Variants in DNAJC15 observed in about 807,000 individuals in gnomAD.
The protein encoded by DNAJC15 is dnaJ homolog subfamily C member 15.
Under a neutral mutation model 22.4 loss-of-function variants are expected in DNAJC15, and 27 were observed. The observed-to-expected ratio is 1.20, with a 90% confidence interval of 0.89 to 1.66. The LOEUF is 1.66. Ranked by LOEUF, DNAJC15 falls within the 40% of genes most tolerant of loss-of-function variation. The probability of loss-of-function intolerance (pLI) is 0.00; values close to 1 mark genes in which losing one functional copy is unlikely to be tolerated. For missense variants in DNAJC15, 208 were observed against 187.1 expected, an observed-to-expected ratio of 1.11 and a Z score of -0.65; for synonymous variants, 79 against 63.2, an observed-to-expected ratio of 1.25 and a Z score of -1.19.
chr13:43,067,249 T>C lies in DNAJC15; in HGVS notation c.160+1512T>C, dbSNP rs117111004. Among the ~76,000 whole-genome samples the C allele has an allele frequency of 1.1e-3, 166 of 152,302 alleles. 2 individuals are homozygous for C. The East Asian group carries it at 0.019, about 17-fold the overall frequency. On this transcript the variant is annotated intron_variant, in intron 2 of 5. Transcript: ENST00000379221. ...TCATTTAAAACACTATTTTAACCTTTTGTCTTGGAAATGATGAAACACTTC... is the reference window on the plus strand; with the variant it reads ...TCATTTAAAACACTATTTTAACCTTCTGTCTTGGAAATGATGAAACACTTC...
intron 5 of DNAJC15, among the ~76,000 whole-genome samples, chr13:43,086,542 TAA>T (rs1566214138): frequency 6.6e-6 from 1 of 152,164 alleles, no homozygotes; most frequent in East Asian, 1.9e-4. Flanking sequence ...TCAAAAAAAT[TAA>T]AAACAAATTT....
intron 1 of DNAJC15, among the ~76,000 whole-genome samples, chr13:43,055,765 T>C (rs1452443237): frequency 6.6e-6 from 1 of 152,222 alleles, no homozygotes; most frequent in African/African-American, 2.4e-5. Context: ...ATTCTCTTGC[T>C]GGGTTTGGGT....
At chr13:43,036,720 C>G (rs1250579885) in intron 1 of DNAJC15, among the ~76,000 whole-genome samples, 1 of 152,266 alleles carries the variant, frequency 6.6e-6, no homozygotes, top group African/African-American at 2.4e-5. Context: ...CCCACAGGCC[C>G]ATGCCAAGCT....
chr13:43,077,421 C>CCAAT (rs2040638696), intron 3 of DNAJC15, among the ~76,000 whole-genome samples: 1 of 152,164 alleles, frequency 6.6e-6, no homozygotes, highest in African/African-American at 2.4e-5. Context: ...AAAGCCTCAG[C>CCAAT]CAATCTCACA....
intron 5 of DNAJC15, among the ~76,000 whole-genome samples, chr13:43,090,145 T>TA (rs1368358912): frequency 6.6e-6 from 1 of 152,058 alleles, no homozygotes; most frequent in African/African-American, 2.4e-5. Context: ...CCAGAAGAGG[T>TA]TCAGAGGGCC....
chr13:43,085,150 T>C (rs987072852), intron 4 of DNAJC15, among the ~76,000 whole-genome samples: 15 of 152,140 alleles, frequency 9.9e-5, no homozygotes, highest in African/African-American at 3.4e-4. Context: ...GATCACGAGG[T>C]CAGGAGTTCG....
intron 5 of DNAJC15, among the ~76,000 whole-genome samples, chr13:43,089,219 A>G (rs535299420): frequency 9.8e-5 from 15 of 152,324 alleles, no homozygotes; most frequent in African/African-American, 3.6e-4. Context: ...CCTGACACTA[A>G]TCTTCCATTT....
intron 4 of DNAJC15, among the ~76,000 whole-genome samples, chr13:43,080,790 G>T (rs545908281): frequency 6.6e-6 from 1 of 152,216 alleles, no homozygotes; most frequent in Non-Finnish European, 1.5e-5. Context: ...AAAAAATTTG[G>T]CTCCTGTTTC....
chr13:43,033,453 A>G (rs2153439512), intron 1 of DNAJC15, among the ~76,000 whole-genome samples: 1 of 152,278 alleles, frequency 6.6e-6, no homozygotes, highest in African/African-American at 2.4e-5. Context: ...CATTATTATT[A>G]ACCCAAGTCA....
chr13:43,045,804 A>G (rs1004642641), intron 1 of DNAJC15, among the ~76,000 whole-genome samples: 33 of 152,268 alleles, frequency 2.2e-4, no homozygotes, highest in African/African-American at 7.9e-4. Context: ...ATACAAACAC[A>G]TACCTACTTC....
chr13:43,045,537 A>G (rs1191654076), intron 1 of DNAJC15, among the ~76,000 whole-genome samples: 2 of 152,236 alleles, frequency 1.3e-5, no homozygotes, highest in Non-Finnish European at 2.9e-5. Flanking sequence ...ACTGGTAGTC[A>G]GAGTGAAACA....
intron 3 of DNAJC15, among the ~76,000 whole-genome samples, chr13:43,072,618 C>CGGT (rs2153441131): frequency 6.7e-6 from 1 of 149,802 alleles, no homozygotes; most frequent in African/African-American, 2.5e-5. Flanking sequence ...CCTAGTAGTG[C>CGGT]GGTTGCGCAA....
chr13:43,039,474 A>AC (rs1216730497), intron 1 of DNAJC15, among the ~76,000 whole-genome samples: 1 of 152,224 alleles, frequency 6.6e-6, no homozygotes, highest in Non-Finnish European at 1.5e-5. Context: ...AAGTAAATTT[A>AC]CTGAGGGGAG....
At chr13:43,101,144 T>A (rs955698651) in intron 5 of DNAJC15, among the ~76,000 whole-genome samples, 1 of 152,242 alleles carries the variant, frequency 6.6e-6, no homozygotes, top group African/African-American at 2.4e-5. Context: ...TCTTCAAATC[T>A]AAAGTGTGTC....
intron 5 of DNAJC15, among the ~76,000 whole-genome samples, chr13:43,087,610 A>G (rs1367001414): frequency 6.6e-6 from 1 of 152,160 alleles, no homozygotes; most frequent in Non-Finnish European, 1.5e-5. Flanking sequence ...ACCACTGGGT[A>G]TTATAGGTAG....
chr13:43,036,166 C>CTTTTTTTTTTTTT (rs1181907862), intron 1 of DNAJC15, among the ~76,000 whole-genome samples: 1 of 125,924 alleles, frequency 7.9e-6, no homozygotes, highest in African/African-American at 3.0e-5. Context: ...CAGTTTCTGT[C>CTTTTTTTTTTTTT]TTTTTTTTTT....
intron 2 of DNAJC15, among the ~76,000 whole-genome samples, 166 bp downstream of exon 2, chr13:43,065,903 A>G (rs1318735587): frequency 6.6e-6 from 1 of 152,234 alleles, no homozygotes; most frequent in Non-Finnish European, 1.5e-5. Context: ...TCATTGTAGC[A>G]AAATCTAGAT....
intron 1 of DNAJC15, among the ~76,000 whole-genome samples, chr13:43,038,461 C>T (rs377018063): frequency 1.1e-4 from 16 of 152,134 alleles, no homozygotes; most frequent in East Asian, 5.8e-4. Context: ...ACTTATCAAA[C>T]GATTCCATTT....
At chr13:43,062,575 T>C (rs906385887) in intron 1 of DNAJC15, among the ~76,000 whole-genome samples, 1 of 152,224 alleles carries the variant, frequency 6.6e-6, no homozygotes, top group African/African-American at 2.4e-5. Context: ...TGCCTGATGG[T>C]TTAATGTTTT....
Sources: allele counts gnomAD v4.1 joint callset (sites outside exome capture counted in the v4.1 genomes callset), GRCh38; gene constraint gnomAD v4.1.1; transcripts MANE v1.5; gene names NCBI Gene and HGNC (gene_info 2026-07-23, HGNC 2026-07-21).